Variants in AVPR1B observed in about 807,000 individuals in gnomAD.
AVPR1B encodes arginine vasopressin receptor 1B, also known as vasopressin V1b receptor.
Under a neutral mutation model 27.5 loss-of-function variants are expected in AVPR1B, and 25 were observed. The ratio of observed to expected loss-of-function variants is 0.91; its 90% CI spans 0.66 to 1.27. The LOEUF (loss-of-function observed/expected upper bound fraction) is 1.27. Ranked by LOEUF, AVPR1B falls within the 50% of genes most tolerant of loss-of-function variation. AVPR1B has a pLI of 0.00. For synonymous variants in AVPR1B, 248 were observed against 240.2 expected, an observed-to-expected ratio of 1.03 and a Z score of -0.30; for missense variants, 595 against 556.9, an observed-to-expected ratio of 1.07 and a Z score of -0.69.
rs782288816 is a variant in AVPR1B, at chr1:206,108,384, A to G, written c.*1805T>C. On this transcript the variant is annotated 3_prime_UTR_variant, in exon 2 of 2. Transcript: ENST00000367126. ...CTGGGACGCTTTGCTCACTCACAAC[A>G]TTCAGCAAGGCTCTTTTCTTTTTAG... Among the ~76,000 whole-genome samples the G allele has an allele frequency of 6.6e-6, 1 of 152,198 alleles. No individual in the cohort carries two copies. The highest frequency in any genetic ancestry group is 1.5e-5 in the Non-Finnish European group (1 of 68,026).
At position 206,116,516 on chromosome 1, in the gene AVPR1B, C is replaced by T. The variant is rs1553290566; in HGVS notation, c.375G>A (p.Leu125=). 3 of 1,613,982 alleles carry T rather than the reference C, an allele frequency of 1.9e-6. No homozygotes were observed. The South Asian group carries it at 3.3e-5, about 18-fold the overall frequency. ...GGTAGCGGTCCAGCGTCATGGCCAGCAGCATGTAGGTGGAGGCAAACATGC... is the reference window on the plus strand; with the variant it reads ...GGTAGCGGTCCAGCGTCATGGCCAGTAGCATGTAGGTGGAGGCAAACATGC... The part of the protein sequence containing the change: ...VLSMFASTYM[L]LAMTLDRYLA... Residue 125 remains leucine, a synonymous_variant, in exon 1 of 2, where the codon CTG becomes CTA. Coordinates refer to ENST00000367126, the MANE Select transcript of AVPR1B (RefSeq NM_000707.5).
chr1:206,113,784 C>A (rs1663417045), intron 1 of AVPR1B, among the ~76,000 whole-genome samples: 1 of 152,216 alleles, frequency 6.6e-6, no homozygotes, highest in Non-Finnish European at 1.5e-5. Flanking sequence ...CTATCTCTCA[C>A]TAGCAGTGGC....
intron 1 of AVPR1B, 134 bp from the exon 2 acceptor site, chr1:206,110,657 A>AGTGTGTCTC (rs1663361837): frequency 1.4e-6 from 1 of 734,362 alleles, no homozygotes; most frequent in Non-Finnish European, 2.2e-6. Context: ...TCAGTGTCCT[A>AGTGTGTCTC]TAATTAGAGA....
In AVPR1B at chr1:206,116,603, G is replaced by C; in HGVS notation, c.288C>G (p.Ile96Met). Residue 96 changes from isoleucine (I) to methionine (M), a missense_variant, in exon 1 of 2, where the codon ATC (isoleucine) becomes ATG (methionine). By Grantham distance (10) the Ile-to-Met change is conservative. Coordinates refer to ENST00000367126, the MANE Select transcript of AVPR1B (RefSeq NM_000707.5). Reference protein sequence around the residue: ...FQVLPQLLWDITYRFQGPDLL... With the variant: ...FQVLPQLLWDMTYRFQGPDLL... ...GGTCGGGGCCCTGGAAGCGGTAGGT[G>C]ATGTCCCACAGCAGCTGTGGCAGCA... 8.1e-6 allele frequency: 13 copies of C among 1,614,142 alleles called. No homozygotes were observed. Among genetic ancestry groups the C allele is most frequent in the Non-Finnish European group, 1.0e-5 (12 of 1,180,024 alleles).
In AVPR1B at chr1:206,107,863, A is replaced by C. The variant is rs1391811785; in HGVS notation, c.*2326T>G. ...CTCTCTAACATCTGTTGAGTGCTCT[A>C]TCTCTAGTCTACAATCTTACAAATC... On this transcript the variant is annotated 3_prime_UTR_variant, in exon 2 of 2. Coordinates refer to ENST00000367126, the MANE Select transcript of AVPR1B (RefSeq NM_000707.5). 6.6e-6 allele frequency among the ~76,000 whole-genome samples: 1 copy of C among 152,200 alleles called. No homozygotes were observed. The highest frequency in any genetic ancestry group is 2.4e-5 in the African/African-American group (1 of 41,428).
In AVPR1B at chr1:206,107,403, C is replaced by T. The variant is rs1553289148; in HGVS notation, c.*2786G>A. On this transcript the variant is annotated 3_prime_UTR_variant, in exon 2 of 2. Coordinates refer to ENST00000367126, the MANE Select transcript of AVPR1B (RefSeq NM_000707.5). ...CCTATCCAAGGCCCTTCCACTGGCC[C>T]AGACTGTCCAGGCGAGCCTCCTACA... is the stretch of plus-strand genomic sequence containing the variant. Among the ~76,000 whole-genome samples the T allele has an allele frequency of 6.6e-6, 1 of 152,158 alleles. No individual in the cohort carries two copies.
rs1318815937 is a variant in AVPR1B at position 206,117,147 on chromosome 1, A to T, written c.-257T>A. On this transcript the variant is annotated 5_prime_UTR_variant, in exon 1 of 2. Coordinates refer to ENST00000367126, the MANE Select transcript of AVPR1B (RefSeq NM_000707.5). ...GAAGGAGGGGTCAGGAAGATGGGGA[A>T]TCAGGACGGGAAGAATGGGGGACGC... 2.0e-6 allele frequency: 1 copy of T among 494,548 alleles called. No individual in the cohort carries two copies. The highest frequency in any genetic ancestry group is 3.6e-6 in the Non-Finnish European group (1 of 279,876). The allele number at this position is 494,548 out of a possible 1,614,324, so 30.6% of individuals were successfully genotyped here.
At chr1:206,115,087 A>G (rs1371979131) in intron 1 of AVPR1B, among the ~76,000 whole-genome samples, 1 of 152,242 alleles carries the variant, frequency 6.6e-6, no homozygotes, top group African/African-American at 2.4e-5. Flanking sequence ...AGCTCATTAA[A>G]GCTCATGCAT....
intron 1 of AVPR1B, among the ~76,000 whole-genome samples, chr1:206,112,974 T>C (rs569654779): frequency 2.0e-5 from 3 of 152,358 alleles, no homozygotes; most frequent in East Asian, 1.9e-4. Context: ...CCCTAGTTAA[T>C]GTGTAACTAC....
chr1:206,112,245 C>T lies in AVPR1B; in HGVS notation c.941-1722G>A, dbSNP rs190136812. Among the ~76,000 whole-genome samples, 197 of 152,172 alleles carry T rather than the reference C, an allele frequency of 1.3e-3. 3 individuals are homozygous for T. In the East Asian group the frequency reaches 0.033, roughly 25 times the overall value. Reference sequence around the variant, plus strand: ...AGAAAAAGAGTTTGGATGTTTGTGCCCTCCAAATCTCATGTTGAAATGTAG... The same window carrying T: ...AGAAAAAGAGTTTGGATGTTTGTGCTCTCCAAATCTCATGTTGAAATGTAG... On this transcript the variant is annotated intron_variant, in intron 1 of 1. Coordinates refer to ENST00000367126, the MANE Select transcript of AVPR1B (RefSeq NM_000707.5).
At chr1:206,110,556 T>C (rs782108890) in intron 1 of AVPR1B, 33 bp from the exon 2 acceptor site, 3 of 1,558,866 alleles carry the variant, frequency 1.9e-6, no homozygotes, top group African/African-American at 2.7e-5. Context: ...AGCCTCAGAA[T>C]GGCAGCTCGA....
chr1:206,111,083 C>A (rs1663369207), intron 1 of AVPR1B, among the ~76,000 whole-genome samples: 1 of 152,168 alleles, frequency 6.6e-6, no homozygotes, highest in Non-Finnish European at 1.5e-5. Context: ...ATCGACTCTG[C>A]CTGACTCTAT....
At chr1:206,113,695 G>A (rs1478923129) in intron 1 of AVPR1B, among the ~76,000 whole-genome samples, 1 of 152,234 alleles carries the variant, frequency 6.6e-6, no homozygotes, top group Non-Finnish European at 1.5e-5. Flanking sequence ...CGGTGCCACT[G>A]GCTATGCCAC....
rs28415467 is a variant in AVPR1B, at chr1:206,110,128, C to T, written c.*61G>A. 0.14 allele frequency: 214,429 copies of T among 1,513,252 alleles called. 18,762 individuals carry two copies. Among genetic ancestry groups the T allele is most frequent in the African/African-American group, 0.42 (29,946 of 71,992 alleles). 93.7% of individuals were successfully genotyped at this position (1,513,252 alleles called of 1,614,324 possible). ...CCTCCCAGCTCTCATTTCCAGTGCC[C>T]GAGGTGGGCAGAGAACCTCCACTAG... On this transcript the variant is annotated 3_prime_UTR_variant, in exon 2 of 2. Transcript: ENST00000367126.
At chr1:206,114,208 A>G (rs1663425558) in intron 1 of AVPR1B, among the ~76,000 whole-genome samples, 1 of 152,176 alleles carries the variant, frequency 6.6e-6, no homozygotes, top group East Asian at 1.9e-4. Context: ...ACAACAATAC[A>G]AAGGAAGGGG....
intron 1 of AVPR1B, among the ~76,000 whole-genome samples, chr1:206,112,754 G>T (rs1234388554): frequency 6.6e-6 from 1 of 152,176 alleles, no homozygotes; most frequent in African/African-American, 2.4e-5. Context: ...CTCGCAAAGT[G>T]CTGGGATTAC....
intron 1 of AVPR1B, among the ~76,000 whole-genome samples, chr1:206,114,848 A>G (rs1275761286): frequency 6.6e-6 from 1 of 152,118 alleles, no homozygotes; most frequent in Admixed American, 6.5e-5. Flanking sequence ...AGGGAATTAG[A>G]GGTTGGATAA....
chr1:206,113,267 G>A (rs373541703), intron 1 of AVPR1B, among the ~76,000 whole-genome samples: 11 of 152,286 alleles, frequency 7.2e-5, no homozygotes, highest in Middle Eastern at 3.4e-3. Flanking sequence ...CCTGGCCTCC[G>A]TTGCCTCCTG....
At position 206,116,504 on chromosome 1, in the gene AVPR1B, C is replaced by A. The variant is rs113061513; in HGVS notation, c.387G>T (p.Thr129=). 1,718 of 1,613,976 alleles carry A rather than the reference C, an allele frequency of 1.1e-3. 12 individuals carry two copies. In the Middle Eastern group the frequency reaches 0.024, roughly 22 times the overall value. The stretch of plus-strand genomic sequence containing the variant: ...GACAGACAGCCAGGTAGCGGTCCAG[C>A]GTCATGGCCAGCAGCATGTAGGTGG... ...FASTYMLLAM[T]LDRYLAVCHP... Residue 129 remains threonine, a synonymous_variant, in exon 1 of 2, where the codon ACG becomes ACT. Coordinates refer to ENST00000367126, the MANE Select transcript of AVPR1B (RefSeq NM_000707.5).
Sources: gnomAD v4.1 joint callset for allele counts (sites outside exome capture counted in the v4.1 genomes callset) on GRCh38, gnomAD v4.1.1 for gene constraint, MANE v1.5 for transcripts, NCBI Gene and HGNC (gene_info 2026-07-23, HGNC 2026-07-21) for gene names.